The following ATP8B1 variants were observed in gnomAD, a reference collection of about 807,000 sequenced individuals.
ATP8B1 encodes the protein phospholipid-transporting ATPase IC.
Under a neutral mutation model 149.9 loss-of-function variants are expected in ATP8B1, and 80 were observed. The ratio of observed to expected loss-of-function variants is 0.53; its 90% confidence interval spans 0.45 to 0.64. The LOEUF (loss-of-function observed/expected upper bound fraction) is 0.64. Among genes scored for constraint, ATP8B1 ranks in the 30% least tolerant of loss-of-function variants. The pLI is 0.00. For synonymous variants in ATP8B1, 536 were observed against 562.8 expected (o/e 0.95, Z 0.67); for missense variants, 1,247 against 1,552.6 (o/e 0.80, Z 3.31).
intron 6 of ATP8B1, among the ~76,000 whole-genome samples, chr18:57,699,582 G>A (rs1194461199): frequency 1.3e-5 from 2 of 152,136 alleles, no homozygotes; most frequent in Non-Finnish European, 1.5e-5. Context: ...AAATTAGCCA[G>A]GTGCAGTGGC....
At chr18:57,801,759 T>C (rs1425523794) in intron 1 of ATP8B1, among the ~76,000 whole-genome samples, 1 of 152,128 alleles carries the variant, frequency 6.6e-6, no homozygotes, top group Non-Finnish European at 1.5e-5. Context: ...TGGCAAAATT[T>C]TGAAGGCAAT....
intron 2 of ATP8B1, among the ~76,000 whole-genome samples, chr18:57,727,024 G>T (rs2079715721): frequency 6.6e-6 from 1 of 152,198 alleles, no homozygotes; most frequent in Admixed American, 6.5e-5. Flanking sequence ...AGGTTGCAGT[G>T]AGCTGAGATC....
chr18:57,693,279 G>A (rs1284019026), intron 11 of ATP8B1, among the ~76,000 whole-genome samples: 1 of 152,184 alleles, frequency 6.6e-6, no homozygotes, highest in Non-Finnish European at 1.5e-5. Flanking sequence ...GGGTCACCAC[G>A]TGGGCAGAAA....
chr18:57,756,291 G>GTGTATATATATATATATATATATATATA, intron 1 of ATP8B1, among the ~76,000 whole-genome samples: 1 of 27,184 alleles, frequency 3.7e-5, no homozygotes, highest in African/African-American at 2.0e-4. Context: ...ATATATATGT[G>GTGTATATATATATATATATATATATATA]TGTGTGTATG....
intron 26 of ATP8B1, among the ~76,000 whole-genome samples, chr18:57,651,479 A>G (rs911833795): frequency 6.6e-6 from 1 of 152,182 alleles, no homozygotes; most frequent in Non-Finnish European, 1.5e-5. Flanking sequence ...ATCTAATTCA[A>G]CACACGTACA....
At chr18:57,701,128 T>C (rs1568202365) in intron 5 of ATP8B1, 28 bp from the exon 6 acceptor site, 1 of 1,613,238 alleles carries the variant, frequency 6.2e-7, no homozygotes, top group African/African-American at 1.3e-5. Flanking sequence ...GGAAATGCTG[T>C]TTTAAACATC....
chr18:57,732,233 G>A (rs200432711), intron 1 of ATP8B1, among the ~76,000 whole-genome samples: 1,719 of 10,300 alleles, frequency 0.17, 39 homozygotes, highest in East Asian at 0.37. Flanking sequence ...ATGTATATAT[G>A]TGTATATATA....
chr18:57,683,946 C>G (rs2122817929), intron 15 of ATP8B1, 90 bp downstream of exon 15: 4 of 1,480,442 alleles, frequency 2.7e-6, no homozygotes, highest in Non-Finnish European at 2.8e-6. Context: ...GATTTGTGTA[C>G]TACTTGACAT....
At chr18:57,691,175 C>CA (rs530091842) in intron 12 of ATP8B1, among the ~76,000 whole-genome samples, 1,425 of 58,500 alleles carry the variant, frequency 0.024, 36 homozygotes, top group East Asian at 0.1. Flanking sequence ...AACTCCATCT[C>CA]AAAAAAAAAA....
Position 57,653,855 on chromosome 18 carries a change from T to C in ATP8B1, c.3015+137A>G, listed in dbSNP as rs564024497. The C allele has an allele frequency of 1.8e-5, 15 of 841,970 alleles. No individual in the cohort carries two copies. In the African/African-American group the frequency reaches 2.3e-4, roughly 13 times the overall value. The allele number at this position is 841,970 out of a possible 1,614,324, so 52.2% of individuals were successfully genotyped here. ...CAAGAAGCACAGCCATGACCCTTGA[T>C]GCCTGACAACAGAATTATAATAGGG... On this transcript the variant is annotated intron_variant, in intron 24 of 27. Transcript: ENST00000648908.
Position 57,686,523 on chromosome 18 carries a change from C to T in ATP8B1, c.1430-1408G>A, listed in dbSNP as rs370797374. 3.3e-5 allele frequency among the ~76,000 whole-genome samples: 5 copies of T among 152,026 alleles called. 1 individual carries two copies. Among genetic ancestry groups the T allele is most frequent in the South Asian group, 4.1e-4 (2 of 4,824 alleles). Reference sequence around the variant, plus strand: ...GCAACCTCCACCTCCCGGGTTCAAGCGATTCTCCTGCCTCAGCCTCCTGAA... The same window carrying T: ...GCAACCTCCACCTCCCGGGTTCAAGTGATTCTCCTGCCTCAGCCTCCTGAA... On this transcript the variant is annotated intron_variant, in intron 13 of 27. Coordinates refer to ENST00000648908, the MANE Select transcript of ATP8B1 (RefSeq NM_001374385.1).
chr18:57,742,319 C>T (rs935074753), intron 1 of ATP8B1, among the ~76,000 whole-genome samples: 31 of 152,142 alleles, frequency 2.0e-4, no homozygotes, highest in African/African-American at 7.0e-4. Flanking sequence ...AATTACAGTT[C>T]CCAGCAGGAA....
intron 15 of ATP8B1, among the ~76,000 whole-genome samples, chr18:57,681,860 C>T (rs775012476): frequency 1.4e-5 from 2 of 141,078 alleles, no homozygotes; most frequent in Non-Finnish European, 3.1e-5. Flanking sequence ...GGATCCTTTC[C>T]TGGTACTTTA....
chr18:57,652,807 C>T, intron 24 of ATP8B1, 78 bp from the exon 25 acceptor site: 4 of 1,583,202 alleles, frequency 2.5e-6, no homozygotes, highest in South Asian at 2.2e-5. Flanking sequence ...TAATATCTCA[C>T]AAAAAGTTGC....
intron 1 of ATP8B1, among the ~76,000 whole-genome samples, chr18:57,782,210 T>G (rs1323733994): frequency 2.0e-5 from 3 of 152,164 alleles, no homozygotes; most frequent in East Asian, 3.8e-4. Flanking sequence ...TCTATAGAAT[T>G]TGCGAAAATA....
At chr18:57,710,500 C>T (rs898677451) in intron 2 of ATP8B1, among the ~76,000 whole-genome samples, 18 of 151,966 alleles carry the variant, frequency 1.2e-4, no homozygotes, top group African/African-American at 4.1e-4. Context: ...GCTTACAGAC[C>T]CACCAACAAC....
At chr18:57,686,598 TTTAG>T (rs1912262363) in intron 13 of ATP8B1, among the ~76,000 whole-genome samples, 1 of 152,090 alleles carries the variant, frequency 6.6e-6, no homozygotes, top group Admixed American at 6.5e-5. Context: ...TTTTTGTACT[TTTAG>T]TAGAGATGGG....
At chr18:57,771,351 C>G (rs1047008701) in intron 1 of ATP8B1, among the ~76,000 whole-genome samples, 10 of 152,136 alleles carry the variant, frequency 6.6e-5, no homozygotes, top group Non-Finnish European at 1.5e-4. Flanking sequence ...TTTTATTAAG[C>G]GTGATATAGT....
chr18:57,734,717 G>A (rs1165301857), intron 1 of ATP8B1, among the ~76,000 whole-genome samples: 1 of 152,146 alleles, frequency 6.6e-6, no homozygotes, highest in African/African-American at 2.4e-5. Context: ...CTGGTCCTCA[G>A]CACCTCAGGC....
Sources: gnomAD v4.1 joint callset for allele counts (sites outside exome capture counted in the v4.1 genomes callset) on GRCh38, gnomAD v4.1.1 for gene constraint, MANE v1.5 for transcripts, NCBI Gene and HGNC (gene_info 2026-07-23, HGNC 2026-07-21) for gene names.